NFKBID: variants seen among roughly 807,000 people sequenced by gnomAD.
NFKBID encodes NF-kappa-B inhibitor delta.
Under a neutral mutation model 53.4 loss-of-function variants are expected in NFKBID, and 26 were observed. The observed-to-expected ratio is 0.49, with a 90% CI of 0.36 to 0.68. NFKBID has a LOEUF of 0.68. Ranked by LOEUF, NFKBID falls within the 30% of genes least tolerant of loss-of-function variation. The pLI is 0.00. For missense variants in NFKBID, 493 were observed against 614.1 expected, an observed-to-expected ratio of 0.80 and a Z score of 2.08; for synonymous variants, 262 against 259.8, an observed-to-expected ratio of 1.01 and a Z score of -0.08.
rs1309083865 is a variant in NFKBID, at chr19:35,896,204, C to A, written c.883+14G>T. Reference sequence around the variant, plus strand: ...CCACACCAACCACACCAGCCCTGCCCACACCCAACTTACCCTCGAAGTCTC... The same window carrying A: ...CCACACCAACCACACCAGCCCTGCCAACACCCAACTTACCCTCGAAGTCTC... On this transcript the variant is annotated intron_variant, in intron 8 of 11. Coordinates refer to ENST00000641389, the Ensembl canonical transcript of NFKBID. The surrounding 1 kb of genome is among the most constrained non-coding windows in gnomAD (Gnocchi z 5.7). 6.2e-7 allele frequency: 1 copy of A among 1,614,102 alleles called. No homozygotes were observed. Among genetic ancestry groups the A allele is most frequent in the Non-Finnish European group, 8.5e-7 (1 of 1,180,036 alleles).
intron 4 of NFKBID, among the ~76,000 whole-genome samples, 196 bp from the exon 5 acceptor site, chr19:35,897,254 A>G (rs1355380087): frequency 6.6e-6 from 1 of 150,388 alleles, no homozygotes; most frequent in Non-Finnish European, 1.5e-5. Flanking sequence ...CACCTGGAAA[A>G]GGGTATTTTT....
intron 11 of NFKBID, 56 bp from the exon 12 acceptor site, chr19:35,888,668 G>T: frequency 2.2e-6 from 3 of 1,362,556 alleles, no homozygotes; most frequent in Non-Finnish European, 2.1e-6. Flanking sequence ...GAGAGGTGGG[G>T]AAGGCACGCC....
Position 35,898,468 on chromosome 19 carries a change from T to C in NFKBID, c.226+4A>G. ...TGGGGAGGCCGGGAGCTGAGAGAAC[T>C]TACCAGTCACAGCCTCATTCACAGA... On this transcript the variant is annotated splice_donor_region_variant and intron_variant, in intron 3 of 11. Coordinates refer to ENST00000641389, the Ensembl canonical transcript of NFKBID. 1 of 1,531,242 alleles carries C rather than the reference T, an allele frequency of 6.5e-7. No homozygotes were observed. Among genetic ancestry groups the C allele is most frequent in the South Asian group, 1.2e-5 (1 of 83,922 alleles). 94.9% of individuals were successfully genotyped at this position (1,531,242 alleles called of 1,614,324 possible). A position where few individuals can be genotyped will look rare whatever the true frequency, so the allele number is the denominator to read the frequency against.
At chr19:35,900,464 T>A in exon 1 of NFKBID, 1 of 1,231,892 alleles carries the variant, frequency 8.1e-7, no homozygotes, top group Non-Finnish European at 1.0e-6. Context: ...GTGGCGTGGA[T>A]TGCGGGCCCC....
intron 9 of NFKBID, among the ~76,000 whole-genome samples, chr19:35,893,895 T>C (rs1260703318): frequency 6.6e-6 from 1 of 152,004 alleles, no homozygotes. Flanking sequence ...GTTATTGATG[T>C]TGGACATATG....
At chr19:35,897,673 C>G (rs771670132) in exon 4 of NFKBID, 1 of 1,600,258 alleles carries the variant, frequency 6.2e-7, no homozygotes, top group Non-Finnish European at 8.6e-7. Flanking sequence ...GGGAAATGGG[C>G]ACGGCTGCCC....
intron 9 of NFKBID, among the ~76,000 whole-genome samples, 171 bp downstream of exon 9, chr19:35,895,805 AAAAC>A (rs975313152): frequency 6.6e-5 from 10 of 152,210 alleles, no homozygotes; most frequent in Non-Finnish European, 1.0e-4. Flanking sequence ...ACTCCATCTC[AAAAC>A]AAACAAAGAA....
chr19:35,901,573 A>G (rs1427037020), upstream of NFKBID: 1 of 151,246 alleles, frequency 6.6e-6, no homozygotes, highest in East Asian at 2.0e-4. Flanking sequence ...TTGCTTTTCT[A>G]TTTTATTTTA....
At chr19:35,888,647 C>CAGGTTGGAAGGAGAGGTG in intron 11 of NFKBID, 35 bp from the exon 12 acceptor site, 2 of 1,547,638 alleles carry the variant, frequency 1.3e-6, no homozygotes, top group Non-Finnish European at 1.8e-6. Context: ...AGAAGTCTGT[C>CAGGTTGGAAGGAGAGGTG]AGGTTGGAAG....
At chr19:35,895,880 AG>A (rs2146956296) in intron 9 of NFKBID, 99 bp downstream of exon 9, 5 of 1,093,684 alleles carry the variant, frequency 4.6e-6, no homozygotes, top group Non-Finnish European at 6.8e-6. Context: ...GCACGCAGCA[AG>A]GAAGAGGCAA....
rs112001334 is a variant in NFKBID, at chr19:35,892,543, C to CAAAAAAAAAAAAAAAAAAAAAAAAA, written c.1033-2054_1033-2053insTTTTTTTTTTTTTTTTTTTTTTTTT. Among the ~76,000 whole-genome samples, 53 of 112,270 alleles carry CAAAAAAAAAAAAAAAAAAAAAAAAA rather than the reference C, an allele frequency of 4.7e-4. 1 individual carries two copies. Among genetic ancestry groups the CAAAAAAAAAAAAAAAAAAAAAAAAA allele is most frequent in the African/African-American group, 1.8e-3 (52 of 29,652 alleles). 73.7% of individuals were successfully genotyped at this position (112,270 alleles called of 152,430 possible). A position where few individuals can be genotyped will look rare whatever the true frequency, so the allele number is the denominator to read the frequency against. ...TGGGCGACAGAGCGAGACTCCATCTCAAAAAAAAAAAAAAAATTATTTGTC... is the reference window on the plus strand; with the variant it reads ...TGGGCGACAGAGCGAGACTCCATCTCAAAAAAAAAAAAAAAAAAAAAAAAAAAAAAAAAAAAAAAAATTATTTGTC... On this transcript the variant is annotated intron_variant, in intron 9 of 11. Coordinates refer to ENST00000641389, the Ensembl canonical transcript of NFKBID.
In NFKBID at chr19:35,898,641, C is replaced by A. The variant is rs78219453; in HGVS notation, c.165+78G>T. 3.8e-3 allele frequency: 5,379 copies of A among 1,424,254 alleles called. 100 individuals are homozygous for A. The African/African-American group carries it at 0.052, about 14-fold the overall frequency. The allele number at this position is 1,424,254 out of a possible 1,614,324, so 88.2% of individuals were successfully genotyped here. ...CGGTCAGGACCACCCCTCTCATCAG[C>A]CCCGAGGGCCCGGCAAGCCGCTGAG... On this transcript the variant is annotated intron_variant, in intron 2 of 11. Coordinates refer to ENST00000641389, the Ensembl canonical transcript of NFKBID.
At chr19:35,893,558 C>T (rs1426742878) in intron 9 of NFKBID, among the ~76,000 whole-genome samples, 1 of 152,164 alleles carries the variant, frequency 6.6e-6, no homozygotes, top group Non-Finnish European at 1.5e-5. Context: ...CAGTGGCTCA[C>T]GCCTGTAATC....
chr19:35,897,679 T>TGCCCTGGGTCCGGG lies in NFKBID; in HGVS notation c.403_404insCCCGGACCCAGGGC (p.Gln135ProfsTer112). The TGCCCTGGGTCCGGG allele has an allele frequency of 6.2e-7, 1 of 1,606,576 alleles. No individual in the cohort carries two copies. The highest frequency in any genetic ancestry group is 8.5e-7 in the Non-Finnish European group (1 of 1,173,132). On this transcript the variant is annotated frameshift_variant, in exon 4 of 12. Transcript: ENST00000641389. LOFTEE classifies it high-confidence loss of function. ...CATGCCCTGGGGAAATGGGCACGGC[T>TGCCCTGGGTCCGGG]GCCCTGGGTCCGAGGGTGGGTAGAA...
intron 1 of NFKBID, among the ~76,000 whole-genome samples, 178 bp from the exon 2 acceptor site, chr19:35,899,000 G>C (rs1016269837): frequency 1.3e-5 from 2 of 152,156 alleles, no homozygotes; most frequent in Admixed American, 1.3e-4. Context: ...TGGGGCATCC[G>C]CCTCCGCCGT....
exon 11 of NFKBID, chr19:35,889,988 C>T (rs757198791): frequency 4.3e-6 from 7 of 1,610,660 alleles, no homozygotes; most frequent in South Asian, 1.1e-5. Flanking sequence ...AGGTGCCGCA[C>T]GATGGCCTCC....
chr19:35,890,406 G>C, exon 10 of NFKBID: 2 of 1,613,316 alleles, frequency 1.2e-6, no homozygotes, highest in Non-Finnish European at 1.7e-6. Context: ...AGGTCTCCCC[G>C]GGGCAGCTCC....
chr19:35,900,996 C>T (rs1975543923), upstream of NFKBID, among the ~76,000 whole-genome samples: 1 of 151,856 alleles, frequency 6.6e-6, no homozygotes, highest in African/African-American at 2.4e-5. Context: ...CCATGCCTGG[C>T]TAATTTTTGT....
In NFKBID at chr19:35,896,289, G is replaced by T. The variant is rs1261437437; in HGVS notation, c.832-20C>A. On this transcript the variant is annotated intron_variant, in intron 7 of 11. Coordinates refer to ENST00000641389, the Ensembl canonical transcript of NFKBID. The surrounding 1 kb of genome is among the most constrained non-coding windows in gnomAD (Gnocchi z 5.7). The stretch of plus-strand genomic sequence containing the variant: ...CACAGCCTGGGAGGAAGAGAAGGCA[G>T]ACTGCTGGGTAAGGGTATCCCCTGG... The T allele has an allele frequency of 1.2e-6, 2 of 1,614,054 alleles. No individual in the cohort carries two copies. The highest frequency in any genetic ancestry group is 2.7e-5 in the African/African-American group (2 of 74,936).
Sources: gnomAD v4.1 joint callset for allele counts (sites outside exome capture counted in the v4.1 genomes callset) on GRCh38, gnomAD v4.1.1 for gene constraint, Gnocchi (gnomAD v3.1) non-coding constraint, MANE v1.5 for transcripts, NCBI Gene and HGNC (gene_info 2026-07-23, HGNC 2026-07-21) for gene names.